The following OPCML variants were observed in gnomAD, a reference collection of about 807,000 sequenced individuals.
The protein encoded by OPCML is opioid binding protein/cell adhesion molecule like.
A neutral mutation model predicts 37.8 loss-of-function variants in OPCML; 13 were observed. That is an observed-to-expected ratio of 0.34 (90% CI 0.22 to 0.55). OPCML has a LOEUF of 0.55. OPCML is among the 20% of genes least tolerant of loss of function. The probability of loss-of-function intolerance (pLI) is 0.91; values close to 1 mark genes in which losing one functional copy is unlikely to be tolerated. For missense variants in OPCML, 341 were observed against 435.6 expected (o/e 0.78, Z 1.93); for synonymous variants, 176 against 168.8 (o/e 1.04, Z -0.33).
intron 1 of OPCML, among the ~76,000 whole-genome samples, chr11:133,481,346 G>A (rs1947366191): frequency 6.6e-6 from 1 of 151,944 alleles, no homozygotes; most frequent in South Asian, 2.1e-4. Flanking sequence ...CCAGAAAAGG[G>A]AAATTACTGA....
chr11:133,236,118 A>G (rs761067493), intron 1 of OPCML, among the ~76,000 whole-genome samples: 1 of 152,206 alleles, frequency 6.6e-6, no homozygotes, highest in African/African-American at 2.4e-5. Context: ...TGATGACCAT[A>G]TGACAGCATC....
chr11:133,464,724 G>A (rs1355254752), intron 1 of OPCML, among the ~76,000 whole-genome samples: 1 of 152,214 alleles, frequency 6.6e-6, no homozygotes, highest in Non-Finnish European at 1.5e-5. Flanking sequence ...GGAACACAGA[G>A]GAGGGGGAGA....
At chr11:133,117,470 G>A (rs189347967) in intron 1 of OPCML, among the ~76,000 whole-genome samples, 7 of 152,268 alleles carry the variant, frequency 4.6e-5, no homozygotes, top group African/African-American at 9.6e-5. Flanking sequence ...GGACCAAAGC[G>A]AATTGGGCCC....
intron 1 of OPCML, among the ~76,000 whole-genome samples, chr11:133,440,782 C>CTATATATATATATATATATATATA: frequency 7.7e-6 from 1 of 129,592 alleles, no homozygotes; most frequent in African/African-American, 3.2e-5. Flanking sequence ...ATATATATAT[C>CTATATATATATATATATATATATA]TGTGTGTGTG....
At chr11:133,116,805 C>CATATATATATATATATATATATATAT (rs1275607238) in intron 1 of OPCML, among the ~76,000 whole-genome samples, 2 of 144,264 alleles carry the variant, frequency 1.4e-5, no homozygotes, top group African/African-American at 2.7e-5. Flanking sequence ...TAAAACTATA[C>CATATATATATATATATATATATATAT]ATATATATAT....
intron 2 of OPCML, among the ~76,000 whole-genome samples, chr11:132,670,397 C>A (rs960152045): frequency 3.9e-5 from 6 of 152,084 alleles, no homozygotes; most frequent in Admixed American, 1.3e-4. Context: ...CGGGCAAGAC[C>A]ACAAAGGCCA....
chr11:133,201,521 T>C (rs1270669779), intron 1 of OPCML, among the ~76,000 whole-genome samples: 1 of 152,084 alleles, frequency 6.6e-6, no homozygotes, highest in Non-Finnish European at 1.5e-5. Context: ...CTCATCCCAG[T>C]TTATCATAAG....
chr11:132,428,124 G>T (rs771143462), intron 7 of OPCML, among the ~76,000 whole-genome samples: 2 of 152,144 alleles, frequency 1.3e-5, no homozygotes, highest in Non-Finnish European at 2.9e-5. Flanking sequence ...TGGAATATGT[G>T]GTATAGCCTC....
At chr11:132,763,085 G>A (rs185345619) in intron 2 of OPCML, among the ~76,000 whole-genome samples, 111 of 152,190 alleles carry the variant, frequency 7.3e-4, no homozygotes, top group African/African-American at 2.4e-3. Context: ...CTGAACCCTT[G>A]TGCTTCCCGG....
chr11:133,068,174 G>T (rs922901955), intron 1 of OPCML: 1 of 152,136 alleles, frequency 6.6e-6, no homozygotes, highest in African/African-American at 2.4e-5. Context: ...CAGTATCACA[G>T]CCTAGCTTAT....
intron 1 of OPCML, among the ~76,000 whole-genome samples, chr11:133,350,522 A>G (rs1944112515): frequency 6.6e-6 from 1 of 152,176 alleles, no homozygotes; most frequent in Non-Finnish European, 1.5e-5. Context: ...TGAAGACAGA[A>G]TAATAGCATG....
chr11:132,614,863 G>A (rs1185724253), intron 3 of OPCML, among the ~76,000 whole-genome samples: 4 of 152,120 alleles, frequency 2.6e-5, no homozygotes, highest in Non-Finnish European at 4.4e-5. Flanking sequence ...TGAGATTTAC[G>A]TTTTTGTCAC....
rs1336389656 is a variant in OPCML, at chr11:133,174,731, T to C, written c.62-231721A>G. Among the ~76,000 whole-genome samples the C allele has an allele frequency of 6.6e-6, 1 of 151,624 alleles. No individual in the cohort carries two copies. The highest frequency in any genetic ancestry group is 2.1e-4 in the South Asian group (1 of 4,820). ...CCTGAAAAATAAATTTATGTTTGCC[T>C]ATCTATATTTTCATCTCTCTGACTG... is the stretch of plus-strand genomic sequence containing the variant. On this transcript the variant is annotated intron_variant, in intron 1 of 7. Transcript: ENST00000524381. This position sits in a 1 kb window ranked among gnomAD's most constrained non-coding sequence, Gnocchi z 4.6.
intron 3 of OPCML, among the ~76,000 whole-genome samples, chr11:132,632,554 A>G (rs561298707): frequency 6.6e-5 from 10 of 152,104 alleles, no homozygotes; most frequent in Non-Finnish European, 1.5e-4. Flanking sequence ...TATGATTCTC[A>G]GGATATCATC....
chr11:132,748,765 T>C (rs1389456398), intron 2 of OPCML, among the ~76,000 whole-genome samples: 1 of 152,142 alleles, frequency 6.6e-6, no homozygotes, highest in East Asian at 1.9e-4. Context: ...TTGCTCTTCC[T>C]GTTCTGCGGA....
intron 1 of OPCML, chr11:133,421,846 T>A: frequency 2.4e-6 from 2 of 836,590 alleles, no homozygotes; most frequent in Non-Finnish European, 2.9e-6. Flanking sequence ...CCATCCCTAC[T>A]GTAACCTCTC....
chr11:133,237,993 T>G (rs574970703), intron 1 of OPCML, among the ~76,000 whole-genome samples: 1 of 152,366 alleles, frequency 6.6e-6, no homozygotes, highest in East Asian at 1.9e-4. Flanking sequence ...TAATCTCATT[T>G]AATTCTTATA....
intron 4 of OPCML, among the ~76,000 whole-genome samples, chr11:132,487,649 T>G (rs889508818): frequency 1.3e-5 from 2 of 152,126 alleles, no homozygotes; most frequent in Non-Finnish European, 2.9e-5. Context: ...GGACCCAGCT[T>G]GGGGTTTTCC....
chr11:132,539,344 G>C (rs575100854), intron 3 of OPCML, among the ~76,000 whole-genome samples: 30 of 152,162 alleles, frequency 2.0e-4, no homozygotes, highest in Non-Finnish European at 4.0e-4. Flanking sequence ...AAAACAGAGA[G>C]CATGATGAGC....
Sources: allele counts gnomAD v4.1 joint callset (sites outside exome capture counted in the v4.1 genomes callset), GRCh38; gene constraint gnomAD v4.1.1; non-coding constraint Gnocchi (gnomAD v3.1); transcripts MANE v1.5; gene names NCBI Gene and HGNC (gene_info 2026-07-23, HGNC 2026-07-21).